SOX5: variants seen among roughly 807,000 people sequenced by gnomAD.
The protein encoded by SOX5 is transcription factor SOX-5.
SOX5 carries 9 observed loss-of-function variants against 92.0 expected under a neutral mutation model. The ratio of observed to expected loss-of-function variants is 0.10; its 90% confidence interval spans 0.06 to 0.17. The LOEUF is 0.17. Ranked by LOEUF, SOX5 falls within the 10% of genes least tolerant of loss-of-function variation. SOX5 has a pLI of 1.00. For synonymous variants in SOX5, 344 were observed against 336.3 expected, an observed-to-expected ratio of 1.02 and a Z score of -0.25; for missense variants, 642 against 944.5, an observed-to-expected ratio of 0.68 and a Z score of 4.20.
chr12:24,277,203 T>A (rs1017230437), intron 3 of SOX5: 1 of 151,900 alleles, frequency 6.6e-6, no homozygotes, highest in South Asian at 2.1e-4. Flanking sequence ...TATTATGTGT[T>A]TTATGAATAT....
intron 2 of SOX5, among the ~76,000 whole-genome samples, chr12:24,320,169 G>C (rs879823952): frequency 1.3e-5 from 2 of 152,132 alleles, no homozygotes; most frequent in Non-Finnish European, 2.9e-5. Context: ...ATTACCAAAG[G>C]GGGAAAAGTA....
intron 2 of SOX5, among the ~76,000 whole-genome samples, chr12:24,358,407 AGTG>A (rs1276354824): frequency 1.3e-5 from 2 of 152,202 alleles, no homozygotes; most frequent in African/African-American, 4.8e-5. Flanking sequence ...AATTCTCTGA[AGTG>A]TTCCTTTCTC....
chr12:23,631,253 T>A (rs2078494800), intron 8 of SOX5, among the ~76,000 whole-genome samples: 1 of 152,020 alleles, frequency 6.6e-6, no homozygotes, highest in Non-Finnish European at 1.5e-5. Context: ...AAAATTTTAC[T>A]CCGAAGATTG....
chr12:24,103,485 G>A (rs1455234633), intron 4 of SOX5, among the ~76,000 whole-genome samples: 1 of 151,908 alleles, frequency 6.6e-6, no homozygotes, highest in African/African-American at 2.4e-5. Context: ...CTCCCAAGTA[G>A]CTAGGACTAC....
At chr12:24,236,017 AC>A (rs1407982966) in intron 3 of SOX5, among the ~76,000 whole-genome samples, 1 of 151,790 alleles carries the variant, frequency 6.6e-6, no homozygotes, top group Non-Finnish European at 1.5e-5. Flanking sequence ...GTAAAACCCC[AC>A]CTCTACTAAA....
At chr12:23,580,191 A>G (rs1489965016) in intron 9 of SOX5, among the ~76,000 whole-genome samples, 1 of 152,046 alleles carries the variant, frequency 6.6e-6, no homozygotes, top group Non-Finnish European at 1.5e-5. Context: ...CTTGTGGTGG[A>G]AAGTAAGGCT....
intron 2 of SOX5, among the ~76,000 whole-genome samples, chr12:23,863,121 A>G (rs1281326666): frequency 1.3e-5 from 2 of 152,156 alleles, no homozygotes; most frequent in African/African-American, 4.8e-5. Context: ...CAATTTGAAT[A>G]CTGCGAATTT....
rs558367320 is a variant in SOX5 at position 24,130,362 on chromosome 12, A to G, written c.-2+82981T>C. ...CAATGAGTAAGAAATATATTGACAG[A>G]GAACATAAAAGGCTCAAAACAATCT... On this transcript the variant is annotated intron_variant, in intron 4 of 4. Coordinates refer to the SOX5 transcript ENST00000446891. 8.8e-4 allele frequency among the ~76,000 whole-genome samples: 134 copies of G among 152,334 alleles called. No homozygotes were observed. The Middle Eastern group carries it at 0.01, about 12-fold the overall frequency.
chr12:24,533,286 T>A (rs1951349314), intron 1 of SOX5, among the ~76,000 whole-genome samples: 2 of 152,202 alleles, frequency 1.3e-5, no homozygotes, highest in South Asian at 4.1e-4. Context: ...CTCGTTGACA[T>A]TAGAACTCAG....
At chr12:24,343,142 A>G (rs868345592) in intron 2 of SOX5, among the ~76,000 whole-genome samples, 1 of 152,246 alleles carries the variant, frequency 6.6e-6, no homozygotes, top group African/African-American at 2.4e-5. Flanking sequence ...AGTGCGTGCC[A>G]GCCCAGTGGC....
chr12:24,338,108 T>G (rs552298634), intron 2 of SOX5, among the ~76,000 whole-genome samples: 6 of 152,326 alleles, frequency 3.9e-5, no homozygotes, highest in Non-Finnish European at 8.8e-5. Flanking sequence ...AATTTATTTA[T>G]CTAGTTGAAT....
At chr12:24,110,570 A>T (rs1386302814) in intron 4 of SOX5, among the ~76,000 whole-genome samples, 1 of 152,148 alleles carries the variant, frequency 6.6e-6, no homozygotes. Context: ...TCATTGATGA[A>T]CATTATTTTC....
chr12:24,394,243 G>C (rs911177027), intron 1 of SOX5, among the ~76,000 whole-genome samples: 1 of 152,156 alleles, frequency 6.6e-6, no homozygotes, highest in Non-Finnish European at 1.5e-5. Flanking sequence ...ATCCTCACCT[G>C]AGAAGGAAAA....
At chr12:23,992,545 A>G (rs1271762446) in intron 4 of SOX5, among the ~76,000 whole-genome samples, 5 of 152,172 alleles carry the variant, frequency 3.3e-5, no homozygotes, top group East Asian at 1.9e-4. Flanking sequence ...CCATAAATGC[A>G]TCATCTACTT....
chr12:23,608,401 T>A (rs1197044714), intron 8 of SOX5, among the ~76,000 whole-genome samples: 1 of 152,182 alleles, frequency 6.6e-6, no homozygotes, highest in African/African-American at 2.4e-5. Flanking sequence ...TTACAAATGA[T>A]TAGGTTAGAA....
chr12:23,727,850 C>T (rs1378693426), intron 6 of SOX5, among the ~76,000 whole-genome samples: 13 of 152,144 alleles, frequency 8.5e-5, no homozygotes, highest in Middle Eastern at 3.4e-3. Context: ...GAGATGGTTG[C>T]TTTCATTTCT....
intron 4 of SOX5, among the ~76,000 whole-genome samples, chr12:23,974,317 T>C (rs756882689): frequency 2.7e-4 from 41 of 152,196 alleles, no homozygotes; most frequent in Non-Finnish European, 5.3e-4. Context: ...TGAATAATGC[T>C]GAAATGAACA....
At position 24,236,172 on chromosome 12, in the gene SOX5, T is replaced by C. The variant is rs547919419; in HGVS notation, c.-76-22755A>G. ...TAGATCACACCACTGCACTCCAGCCTGGGCAACACAGTGAGACTCAGTCTC... is the reference window on the plus strand; with the variant it reads ...TAGATCACACCACTGCACTCCAGCCCGGGCAACACAGTGAGACTCAGTCTC... On this transcript the variant is annotated intron_variant, in intron 3 of 4. Transcript: ENST00000446891. Among the ~76,000 whole-genome samples the C allele has an allele frequency of 1.1e-4, 16 of 152,172 alleles. No homozygotes were observed. The South Asian group carries it at 2.1e-3, about 20-fold the overall frequency.
intron 3 of SOX5, among the ~76,000 whole-genome samples, chr12:23,773,741 C>T (rs1404257466): frequency 1.3e-5 from 2 of 151,826 alleles, no homozygotes; most frequent in African/African-American, 2.4e-5. Context: ...TTGAGTTTTA[C>T]ATATTTGCAG....
Sources: allele counts gnomAD v4.1 joint callset (sites outside exome capture counted in the v4.1 genomes callset), GRCh38; gene constraint gnomAD v4.1.1; transcripts MANE v1.5; gene names NCBI Gene and HGNC (gene_info 2026-07-23, HGNC 2026-07-21).